Variants in FLT4 observed in about 807,000 individuals in gnomAD.
The protein encoded by FLT4 is fms related receptor tyrosine kinase 4.
A neutral mutation model predicts 163.2 loss-of-function variants in FLT4; 30 were observed. The observed-to-expected ratio is 0.18, with a 90% CI of 0.14 to 0.25. The LOEUF is 0.25. Among genes scored for constraint, FLT4 ranks in the 10% least tolerant of loss-of-function variants. The pLI is 1.00. For synonymous variants in FLT4, 884 were observed against 789.5 expected, an observed-to-expected ratio of 1.12 and a Z score of -2.01; for missense variants, 1,510 against 1,863.8, an observed-to-expected ratio of 0.81 and a Z score of 3.50.
intron 8 of FLT4, among the ~76,000 whole-genome samples, chr5:180,626,479 G>A (rs541318448): frequency 3.9e-5 from 6 of 152,290 alleles, no homozygotes; most frequent in African/African-American, 9.6e-5. Context: ...TCAGGCGGCC[G>A]GCTCGGGCAT....
intron 27 of FLT4, 105 bp from the exon 28 acceptor site, chr5:180,610,130 G>C (rs370764266): frequency 6.5e-7 from 1 of 1,543,450 alleles, no homozygotes; most frequent in Admixed American, 1.7e-5. Context: ...AGGACCCCCC[G>C]CCTGGGGCAG....
intron 1 of FLT4, among the ~76,000 whole-genome samples, chr5:180,637,148 T>G (rs1008894688): frequency 1.3e-5 from 2 of 151,770 alleles, no homozygotes; most frequent in Admixed American, 6.6e-5. Context: ...CTGGCCAACA[T>G]GGTGAACCCC....
intron 1 of FLT4, among the ~76,000 whole-genome samples, chr5:180,647,248 T>C (rs307814): frequency 0.52 from 79,637 of 152,014 alleles, 21,960 homozygotes; most frequent in East Asian, 0.62. Context: ...CCCTCTCCAC[T>C]GGGGCAAGAC....
Position 180,620,123 on chromosome 5 carries a change from A to C in FLT4, c.2542+50T>G, listed in dbSNP as rs764328650. 6.3e-7 allele frequency: 1 copy of C among 1,582,508 alleles called. No individual in the cohort carries two copies. The highest frequency in any genetic ancestry group is 8.6e-7 in the Non-Finnish European group (1 of 1,167,236). On this transcript the variant is annotated intron_variant, in intron 17 of 29. Transcript: ENST00000261937. This position sits in a 1 kb window ranked among gnomAD's most constrained non-coding sequence, Gnocchi z 4.4. ...GGATTCAGGCACTCCGGCCTGCAGC[A>C]GGTGGGTCGGGCAGGAGGTGTGGGT...
chr5:180,607,662 C>CAT (rs138060505), intron 29 of FLT4, among the ~76,000 whole-genome samples: 43,345 of 147,136 alleles, frequency 0.29, 6,616 homozygotes, highest in Middle Eastern at 0.37. Flanking sequence ...TACATACATA[C>CAT]ATATATATAT....
At position 180,623,490 on chromosome 5, in the gene FLT4, A is replaced by G. The variant is rs1019502538; in HGVS notation, c.1548+445T>C. 6.6e-6 allele frequency among the ~76,000 whole-genome samples: 1 copy of G among 150,964 alleles called. No homozygotes were observed. The highest frequency in any genetic ancestry group is 2.4e-5 in the African/African-American group (1 of 41,138). ...TCCTGTCCAGGACTGGAACAGGAAG[A>G]GGCTCTGGAGGTGTGTAGGAAAACA... On this transcript the variant is annotated intron_variant, in intron 11 of 29. Coordinates refer to ENST00000261937, the MANE Select transcript of FLT4 (RefSeq NM_182925.5). The surrounding 1 kb of genome is among the most constrained non-coding windows in gnomAD (Gnocchi z 5.8).
chr5:180,618,952 C>G (rs1366375451), intron 20 of FLT4, 32 bp from the exon 21 acceptor site: 8 of 1,560,984 alleles, frequency 5.1e-6, no homozygotes. Context: ...TCGAGGGCGC[C>G]CAGTCGTCCG....
intron 10 of FLT4, 88 bp from the exon 11 acceptor site, chr5:180,624,149 C>T (rs771584393): frequency 2.7e-5 from 41 of 1,506,660 alleles, no homozygotes; most frequent in Non-Finnish European, 3.6e-5. Context: ...TTGTCATATC[C>T]AGTCACCTTC....
rs748823437 is a variant in FLT4 at position 180,621,527 on chromosome 5, C to T, written c.2020+15G>A. 7.8e-5 allele frequency: 126 copies of T among 1,610,664 alleles called. No individual in the cohort carries two copies. Among genetic ancestry groups the T allele is most frequent in the Non-Finnish European group, 9.5e-5 (112 of 1,179,434 alleles). ...GAAGAGAGCGCGTCCCCGCCCTCCCCGCGGCCAGCCTCACCCTGCACCGAC... is the reference window on the plus strand; with the variant it reads ...GAAGAGAGCGCGTCCCCGCCCTCCCTGCGGCCAGCCTCACCCTGCACCGAC... On this transcript the variant is annotated intron_variant, in intron 13 of 29. Coordinates refer to ENST00000261937, the MANE Select transcript of FLT4 (RefSeq NM_182925.5).
chr5:180,642,827 C>T lies in FLT4; in HGVS notation c.58+6661G>A, dbSNP rs150560089. ...GTAATGATAAACAGCATCCATACAC[C>T]GATGGCAAATTCTCCAAATTCTCCT... On this transcript the variant is annotated intron_variant, in intron 1 of 29. Transcript: ENST00000261937. Among the ~76,000 whole-genome samples the T allele has an allele frequency of 1.2e-3, 185 of 152,312 alleles. 4 individuals are homozygous for T. In the East Asian group the frequency reaches 0.017, roughly 14 times the overall value.
rs538298257 is a variant in FLT4, at chr5:180,603,795, T to G, written c.3894-405A>C. Among the ~76,000 whole-genome samples, 29 of 152,004 alleles carry G rather than the reference T, an allele frequency of 1.9e-4. No individual in the cohort carries two copies. In the South Asian group the frequency reaches 5.8e-3, roughly 31 times the overall value. ...GGCGGGCGCCTGTAGTCCCAGCTAC[T>G]CGGGAGGCTGAGGCAGGAGAATGGC... On this transcript the variant is annotated intron_variant, in intron 29 of 29. Transcript: ENST00000261937.
At position 180,621,909 on chromosome 5, in the gene FLT4, G is replaced by T; in HGVS notation, c.1658-5C>A. 1 of 1,613,260 alleles carries T rather than the reference G, an allele frequency of 6.2e-7. No homozygotes were observed. The highest frequency in any genetic ancestry group is 8.5e-7 in the Non-Finnish European group (1 of 1,179,936). ...TGGTGAAGCCGTCGGGGATGGCTGT[G>T]GAGGGAGGAAGAAGCCCTGTGGCAC... On this transcript the variant is annotated splice_polypyrimidine_tract_variant and splice_region_variant and intron_variant, in intron 12 of 29. Transcript: ENST00000261937.
At position 180,621,669 on chromosome 5, in the gene FLT4, C is replaced by A; in HGVS notation, c.1893G>T (p.Ala631=). 4 of 1,610,230 alleles carry A rather than the reference C, an allele frequency of 2.5e-6. No individual in the cohort carries two copies. The highest frequency in any genetic ancestry group is 3.4e-6 in the Non-Finnish European group (4 of 1,177,980). Residue 631 remains alanine (A), a synonymous_variant, in exon 13 of 30, where the codon GCG becomes GCT. Coordinates refer to ENST00000261937, the MANE Select transcript of FLT4 (RefSeq NM_182925.5). ...TACTCAGGCTGAGCGTGGCGTGGCG[C>A]GCCCCAGGTGCCACCTCCTCCAGGC... ...AASLEEVAPG[A]RHATLSLSIP... is the part of the protein sequence containing the mutation.
chr5:180,631,629 G>T, intron 2 of FLT4, 53 bp downstream of exon 2: 1 of 1,428,224 alleles, frequency 7.0e-7, no homozygotes, highest in Non-Finnish European at 9.8e-7. Context: ...ACCACCTCCT[G>T]CCTTGGGCTT....
intron 1 of FLT4, among the ~76,000 whole-genome samples, chr5:180,645,659 G>A (rs867471953): frequency 4.6e-4 from 70 of 152,184 alleles, no homozygotes; most frequent in African/African-American, 1.6e-3. Context: ...AGACAGGGCC[G>A]GGGGTGTGCC....
Position 180,611,539 on chromosome 5 carries a change from G to A in FLT4, c.3538-60C>T, listed in dbSNP as rs387242. The stretch of plus-strand genomic sequence containing the variant: ...CCACCAGCCACTGCCCTCAGCCCTC[G>A]CCCCCACCCTCAGCCCTCACCCCCG... On this transcript the variant is annotated intron_variant, in intron 26 of 29. Transcript: ENST00000261937. The A allele has an allele frequency of 2.1e-5, 33 of 1,575,664 alleles. No individual in the cohort carries two copies. The Admixed American group carries it at 2.6e-4, about 12-fold the overall frequency.
intron 2 of FLT4, among the ~76,000 whole-genome samples, chr5:180,631,140 T>C (rs1764090937): frequency 6.6e-6 from 1 of 151,648 alleles, no homozygotes; most frequent in African/African-American, 2.4e-5. Flanking sequence ...GTGTGAGGTG[T>C]CAGGAGTGGG....
chr5:180,607,374 G>C (rs4312841), intron 29 of FLT4, among the ~76,000 whole-genome samples: 44,406 of 151,892 alleles, frequency 0.29, 6,734 homozygotes, highest in Middle Eastern at 0.38. Context: ...CGGTGGCTCA[G>C]GCCTGTAATC....
At chr5:180,631,873 C>T in intron 1 of FLT4, 95 bp from the exon 2 acceptor site, 1 of 850,856 alleles carries the variant, frequency 1.2e-6, no homozygotes, top group Non-Finnish European at 1.9e-6. Context: ...AAGCGCAGAC[C>T]CCTGCAGGGC....
Sources: gnomAD v4.1 joint callset for allele counts (sites outside exome capture counted in the v4.1 genomes callset) on GRCh38, gnomAD v4.1.1 for gene constraint, Gnocchi (gnomAD v3.1) non-coding constraint, MANE v1.5 for transcripts, NCBI Gene and HGNC (gene_info 2026-07-23, HGNC 2026-07-21) for gene names.